Variants in ESR1 observed in about 807,000 individuals in gnomAD.
The protein encoded by ESR1 is estrogen receptor.
Under a neutral mutation model 52.7 loss-of-function variants are expected in ESR1, and 12 were observed. That is an observed-to-expected ratio of 0.23 (90% CI 0.15 to 0.37). The LOEUF is 0.37. Among genes scored for constraint, ESR1 ranks in the 10% least tolerant of loss-of-function variants. ESR1 has a pLI of 1.00. For missense variants in ESR1, 584 were observed against 779.7 expected (o/e 0.75, Z 2.99); for synonymous variants, 305 against 316.8 (o/e 0.96, Z 0.39).
chr6:152,050,780 A>G (rs1215158183), intron 5 of ESR1, among the ~76,000 whole-genome samples: 8 of 152,214 alleles, frequency 5.3e-5, no homozygotes, highest in Non-Finnish European at 1.2e-4. Context: ...AGAGGAAAAC[A>G]TCTCAAAGTT....
intron 6 of ESR1, among the ~76,000 whole-genome samples, chr6:152,063,711 A>G (rs529211716): frequency 6.6e-6 from 1 of 152,302 alleles, no homozygotes; most frequent in East Asian, 1.9e-4. Flanking sequence ...CATGAGACCA[A>G]TGACCAAGTG....
chr6:151,764,760 TTA>T (rs1167672333), intron 2 of ESR1, among the ~76,000 whole-genome samples: 4 of 152,218 alleles, frequency 2.6e-5, no homozygotes, highest in Non-Finnish European at 4.4e-5. Context: ...CCTCTAAAAA[TTA>T]TGTTACATTT....
In ESR1 at chr6:151,960,258, C is replaced by T. The variant is rs115808773; in HGVS notation, c.1096+15750C>T. 6.1e-3 allele frequency among the ~76,000 whole-genome samples: 931 copies of T among 152,312 alleles called. 13 individuals carry two copies. The highest frequency in any genetic ancestry group is 0.021 in the African/African-American group (863 of 41,570). Reference sequence around the variant, plus strand: ...TGGGATACACCAAGCCCTGCCTCCCCGGTGCTTAACATTCTAGTGGGGGAG... The same window carrying T: ...TGGGATACACCAAGCCCTGCCTCCCTGGTGCTTAACATTCTAGTGGGGGAG... On this transcript the variant is annotated intron_variant, in intron 4 of 7. Coordinates refer to ENST00000206249, the MANE Select transcript of ESR1 (RefSeq NM_000125.4).
intron 5 of ESR1, among the ~76,000 whole-genome samples, chr6:152,047,871 C>T (rs911511825): frequency 2.0e-5 from 3 of 151,550 alleles, no homozygotes; most frequent in Non-Finnish European, 4.4e-5. Flanking sequence ...GCTCCCGGCT[C>T]TCCAGGCTCA....
intron 4 of ESR1, among the ~76,000 whole-genome samples, chr6:151,954,881 GTC>G (rs2036727787): frequency 6.6e-6 from 1 of 152,018 alleles, no homozygotes; most frequent in Non-Finnish European, 1.5e-5. Context: ...AAAATATGTT[GTC>G]TCTTCCCAAG....
At chr6:151,833,751 T>C (rs1782825115) in intron 1 of ESR1, among the ~76,000 whole-genome samples, 1 of 152,226 alleles carries the variant, frequency 6.6e-6, no homozygotes. Context: ...CAGTCATTTA[T>C]TTATGCACAT....
At chr6:151,737,689 T>C (rs984245285) in intron 2 of ESR1, among the ~76,000 whole-genome samples, 7 of 152,256 alleles carry the variant, frequency 4.6e-5, no homozygotes, top group African/African-American at 1.7e-4. Flanking sequence ...TTTCCTTGAC[T>C]AGCCTTCCTA....
chr6:151,700,029 C>G (rs552195256), intron 1 of ESR1, among the ~76,000 whole-genome samples: 1 of 150,950 alleles, frequency 6.6e-6, no homozygotes, highest in African/African-American at 2.4e-5. Context: ...GAATAACAGC[C>G]AATTCCTTAC....
chr6:151,962,639 T>C (rs753858026), intron 4 of ESR1, among the ~76,000 whole-genome samples: 3 of 152,250 alleles, frequency 2.0e-5, no homozygotes, highest in Non-Finnish European at 2.9e-5. Flanking sequence ...ATGTGGCTTC[T>C]TACCACAGCC....
In ESR1 at chr6:151,850,096, T is replaced by A. The variant is rs1442177191; in HGVS notation, c.643+7309T>A. ...TATAAAAAATTATATATATATAATT[T>A]TATATATATATACAAAATTATATAT... On this transcript the variant is annotated intron_variant, in intron 2 of 7. Transcript: ENST00000206249. Among the ~76,000 whole-genome samples, 15 of 5,808 alleles carry A rather than the reference T, an allele frequency of 2.6e-3. 1 individual carries two copies. Among genetic ancestry groups the A allele is most frequent in the African/African-American group, 8.1e-3 (13 of 1,608 alleles). The allele number at this position is 5,808 out of a possible 152,430, so 3.8% of individuals were successfully genotyped here.
chr6:151,991,897 A>T (rs935980514), intron 4 of ESR1, among the ~76,000 whole-genome samples: 10 of 152,020 alleles, frequency 6.6e-5, no homozygotes, highest in African/African-American at 2.4e-4. Flanking sequence ...CGGGCCACTC[A>T]TCTCGTCGCA....
intron 4 of ESR1, among the ~76,000 whole-genome samples, chr6:151,976,103 C>T (rs1383064808): frequency 6.6e-6 from 1 of 152,030 alleles, no homozygotes. Context: ...TTACCAGCCC[C>T]AGACCTGTAA....
At chr6:151,853,169 C>CAAAAAAAAAAAAAAAAAA (rs386408969) in intron 2 of ESR1, among the ~76,000 whole-genome samples, 31 of 42,884 alleles carry the variant, frequency 7.2e-4, no homozygotes, top group South Asian at 1.7e-3. Context: ...AGACTCGTCT[C>CAAAAAAAAAAAAAAAAAA]AAAAAAAAAA....
In ESR1 at chr6:152,042,289, G is replaced by A. The variant is rs143518663; in HGVS notation, c.1236-18702G>A. ...TCTGGCACTAGGGAAATGACCACAG[G>A]ATGAGTCTGGGACCCACCAGCCCCA... is the stretch of plus-strand genomic sequence containing the variant. On this transcript the variant is annotated intron_variant, in intron 5 of 7. Coordinates refer to ENST00000206249, the MANE Select transcript of ESR1 (RefSeq NM_000125.4). 2.0e-5 allele frequency among the ~76,000 whole-genome samples: 3 copies of A among 152,250 alleles called. No homozygotes were observed. In the East Asian group the frequency reaches 5.8e-4, roughly 29 times the overall value.
chr6:151,929,233 T>C (rs1482865488), intron 3 of ESR1, among the ~76,000 whole-genome samples: 1 of 152,214 alleles, frequency 6.6e-6, no homozygotes, highest in Non-Finnish European at 1.5e-5. Context: ...TCATGTGTTT[T>C]GATTCACTTT....
chr6:151,924,134 C>T (rs1469759006), intron 3 of ESR1, among the ~76,000 whole-genome samples: 2 of 152,158 alleles, frequency 1.3e-5, no homozygotes, highest in Non-Finnish European at 1.5e-5. Flanking sequence ...ACCTCTGCCT[C>T]CTGGGTTCAA....
chr6:151,799,919 A>G (rs1057331576), upstream of ESR1, among the ~76,000 whole-genome samples: 25 of 152,192 alleles, frequency 1.6e-4, no homozygotes, highest in African/African-American at 6.0e-4. Flanking sequence ...CCAGTATGGG[A>G]GGAGCATAGT....
At chr6:151,982,981 T>C (rs2040137297) in intron 4 of ESR1, among the ~76,000 whole-genome samples, 1 of 152,182 alleles carries the variant, frequency 6.6e-6, no homozygotes, top group Non-Finnish European at 1.5e-5. Flanking sequence ...CTTCCAAATA[T>C]ACTTGAAAGT....
chr6:151,724,849 A>T (rs939109822), intron 2 of ESR1, among the ~76,000 whole-genome samples: 3 of 152,158 alleles, frequency 2.0e-5, no homozygotes, highest in Non-Finnish European at 4.4e-5. Context: ...GTTATTACAG[A>T]TGGTAACATC....
Sources: allele counts gnomAD v4.1 joint callset (sites outside exome capture counted in the v4.1 genomes callset), GRCh38; gene constraint gnomAD v4.1.1; transcripts MANE v1.5; gene names NCBI Gene and HGNC (gene_info 2026-07-23, HGNC 2026-07-21).